Variants in L3MBTL4 observed in about 807,000 individuals in gnomAD.
The protein encoded by L3MBTL4 is L3MBTL histone methyl-lysine binding protein 4.
A neutral mutation model predicts 84.5 loss-of-function variants in L3MBTL4; 70 were observed. The observed-to-expected ratio is 0.83, with a 90% CI of 0.68 to 1.01. The LOEUF (loss-of-function observed/expected upper bound fraction) is 1.01. L3MBTL4 is among the 50% of genes least tolerant of loss of function. L3MBTL4 has a pLI of 0.00. For missense variants in L3MBTL4, 715 were observed against 754.8 expected, an observed-to-expected ratio of 0.95 and a Z score of 0.62; for synonymous variants, 274 against 259.8, an observed-to-expected ratio of 1.05 and a Z score of -0.52.
intron 1 of L3MBTL4, among the ~76,000 whole-genome samples, chr18:6,374,806 C>A (rs1264591898): frequency 1.3e-5 from 2 of 152,074 alleles, no homozygotes; most frequent in Admixed American, 6.5e-5. Flanking sequence ...CTCAACACTG[C>A]CACTTCTATT....
At chr18:6,256,615 A>G (rs1013447501) in intron 5 of L3MBTL4, 2 of 151,770 alleles carry the variant, frequency 1.3e-5, no homozygotes, top group African/African-American at 4.8e-5. Context: ...GGGAGGTGGG[A>G]ACGCCACGAT....
chr18:6,128,960 T>C (rs2059788250), intron 14 of L3MBTL4, among the ~76,000 whole-genome samples: 1 of 151,756 alleles, frequency 6.6e-6, no homozygotes, highest in South Asian at 2.1e-4. Context: ...ATGGAGAAGT[T>C]TGTATTTTTA....
At chr18:6,309,814 G>A (rs997606958) in intron 3 of L3MBTL4, among the ~76,000 whole-genome samples, 3 of 152,168 alleles carry the variant, frequency 2.0e-5, no homozygotes, top group African/African-American at 7.2e-5. Context: ...AAATGATACT[G>A]ACAATTAATA....
intron 4 of L3MBTL4, among the ~76,000 whole-genome samples, chr18:6,284,971 G>T (rs1034315908): frequency 6.6e-6 from 1 of 152,240 alleles, no homozygotes; most frequent in African/African-American, 2.4e-5. Flanking sequence ...TGGCATGGGC[G>T]GGGGCGGGAA....
intron 4 of L3MBTL4, among the ~76,000 whole-genome samples, chr18:6,299,292 C>T (rs416982): frequency 0.25 from 37,549 of 152,068 alleles, 5,667 homozygotes; most frequent in African/African-American, 0.42. Flanking sequence ...AGGGGTGTAG[C>T]AGACACCATT....
intron 1 of L3MBTL4, among the ~76,000 whole-genome samples, chr18:6,329,928 C>T (rs2051937228): frequency 6.6e-6 from 1 of 152,174 alleles, no homozygotes; most frequent in South Asian, 2.1e-4. Flanking sequence ...GCATAGTTTT[C>T]TGTGTCTCAT....
In L3MBTL4 at chr18:5,972,917, T is replaced by C. The variant is rs371876073; in HGVS notation, c.1445-3355A>G. On this transcript the variant is annotated intron_variant, in intron 16 of 18. Transcript: ENST00000317931. ...GAGAATAGAATAGAATAGAATAGAA[T>C]AGAATAGAATAGAATAGAATAGAAT... Among the ~76,000 whole-genome samples, 22 of 26,802 alleles carry C rather than the reference T, an allele frequency of 8.2e-4. 1 individual carries two copies. Among genetic ancestry groups the C allele is most frequent in the African/African-American group, 3.7e-3 (13 of 3,484 alleles). The allele number at this position is 26,802 out of a possible 152,430, so 17.6% of individuals were successfully genotyped here. A position where few individuals can be genotyped will look rare whatever the true frequency, so the allele number is the denominator to read the frequency against.
In L3MBTL4 at chr18:6,062,246, G is replaced by A. The variant is rs116943521; in HGVS notation, c.1444+18635C>T. Among the ~76,000 whole-genome samples the A allele has an allele frequency of 1.6e-4, 25 of 151,878 alleles. No individual in the cohort carries two copies. In the East Asian group the frequency reaches 3.1e-3, roughly 19 times the overall value. ...TTCACTTTTGAAGAATAGTTTTACC[G>A]CATACAGAATTATAGGTTGTGGGAA... On this transcript the variant is annotated intron_variant, in intron 16 of 18. Coordinates refer to ENST00000317931, the MANE Select transcript of L3MBTL4 (RefSeq NM_001330559.2).
At chr18:6,128,411 C>T (rs1731511871) in intron 14 of L3MBTL4, among the ~76,000 whole-genome samples, 1 of 151,888 alleles carries the variant, frequency 6.6e-6, no homozygotes. Context: ...GGACAAAAGG[C>T]CAATTTCAAG....
rs1018700813 is a variant in L3MBTL4, at chr18:6,022,288, T to C, written c.1445-52726A>G. Among the ~76,000 whole-genome samples the C allele has an allele frequency of 2.6e-5, 4 of 152,200 alleles. No homozygotes were observed. The South Asian group carries it at 6.2e-4, about 24-fold the overall frequency. ...TCCCTTTAGTTGCTTCTCTGCAGTA[T>C]TCATGGAGCTGTGCTTCTGTGTCTA... On this transcript the variant is annotated intron_variant, in intron 16 of 18. Transcript: ENST00000317931.
rs779064451 is a variant in L3MBTL4 at position 5,979,553 on chromosome 18, A to G, written c.1445-9991T>C. On this transcript the variant is annotated intron_variant, in intron 16 of 18. Coordinates refer to ENST00000317931, the MANE Select transcript of L3MBTL4 (RefSeq NM_001330559.2). ...ATAACACAGCAGTCTCAGAGACACAATGTAACTTGACAAAAGTGATTCAGC... is the reference window on the plus strand; with the variant it reads ...ATAACACAGCAGTCTCAGAGACACAGTGTAACTTGACAAAAGTGATTCAGC... Among the ~76,000 whole-genome samples, 7 of 152,174 alleles carry G rather than the reference A, an allele frequency of 4.6e-5. No homozygotes were observed. In the East Asian group the frequency reaches 5.8e-4, roughly 13 times the overall value.
chr18:6,271,432 C>G (rs2048863364), intron 4 of L3MBTL4, among the ~76,000 whole-genome samples: 1 of 152,088 alleles, frequency 6.6e-6, no homozygotes, highest in Admixed American at 6.5e-5. Flanking sequence ...GAAATTCGAT[C>G]AACAGGCACA....
At chr18:5,989,639 C>A (rs1015488638) in intron 16 of L3MBTL4, among the ~76,000 whole-genome samples, 1 of 152,208 alleles carries the variant, frequency 6.6e-6, no homozygotes, top group African/African-American at 2.4e-5. Context: ...CAAGCCCTAC[C>A]ATGCAAGGCA....
chr18:6,052,774 C>T (rs569087114), intron 16 of L3MBTL4, among the ~76,000 whole-genome samples: 2 of 152,278 alleles, frequency 1.3e-5, no homozygotes, highest in Admixed American at 6.5e-5. Context: ...AGACTCAGTG[C>T]GTTAGTAGGC....
intron 12 of L3MBTL4, among the ~76,000 whole-genome samples, chr18:6,207,984 G>A (rs928624429): frequency 3.3e-5 from 5 of 151,878 alleles, no homozygotes; most frequent in African/African-American, 7.3e-5. Flanking sequence ...GTGTGGTGGC[G>A]CACACTGTAG....
At chr18:6,038,296 C>A (rs1044076302) in intron 16 of L3MBTL4, among the ~76,000 whole-genome samples, 1 of 135,238 alleles carries the variant, frequency 7.4e-6, no homozygotes, top group South Asian at 2.4e-4. Flanking sequence ...CTCTGTCGCC[C>A]AAGCTGGAGT....
At chr18:6,171,807 A>C in intron 13 of L3MBTL4, 21 bp downstream of exon 13, 1 of 1,403,152 alleles carries the variant, frequency 7.1e-7, no homozygotes, top group Non-Finnish European at 9.8e-7. Context: ...AAAAAGCAAC[A>C]ACAAAGAGCA....
At chr18:6,186,264 A>G (rs947283762) in intron 12 of L3MBTL4, among the ~76,000 whole-genome samples, 3 of 151,860 alleles carry the variant, frequency 2.0e-5, no homozygotes, top group Non-Finnish European at 2.9e-5. Context: ...CTGGTCTCGA[A>G]CTCCTGACCT....
At chr18:6,102,036 A>G (rs1335569287) in intron 14 of L3MBTL4, among the ~76,000 whole-genome samples, 1 of 152,084 alleles carries the variant, frequency 6.6e-6, no homozygotes, top group Non-Finnish European at 1.5e-5. Flanking sequence ...GTTTTAACGC[A>G]CACCTCCCAA....
Sources: allele counts gnomAD v4.1 joint callset (sites outside exome capture counted in the v4.1 genomes callset), GRCh38; gene constraint gnomAD v4.1.1; transcripts MANE v1.5; gene names NCBI Gene and HGNC (gene_info 2026-07-23, HGNC 2026-07-21).